SLC25A21: variants seen among roughly 807,000 people sequenced by gnomAD.
The protein encoded by SLC25A21 is mitochondrial 2-oxodicarboxylate carrier.
SLC25A21 carries 47 observed loss-of-function variants against 43.8 expected under a neutral mutation model. That is an observed-to-expected ratio of 1.07 (90% CI 0.85 to 1.37). The LOEUF (loss-of-function observed/expected upper bound fraction) is 1.37. Among genes scored for constraint, SLC25A21 ranks in the 40% most tolerant of loss-of-function variants. The pLI is 0.00. For synonymous variants in SLC25A21, 131 were observed against 121.3 expected (o/e 1.08, Z -0.52); for missense variants, 352 against 350.2 (o/e 1.00, Z -0.04).
At chr14:36,726,735 A>C (rs1884617103) in intron 5 of SLC25A21, among the ~76,000 whole-genome samples, 1 of 152,260 alleles carries the variant, frequency 6.6e-6, no homozygotes, top group Non-Finnish European at 1.5e-5. Context: ...ATAAAGCCCC[A>C]GTCTCCAAAA....
intron 1 of SLC25A21, among the ~76,000 whole-genome samples, chr14:37,128,532 C>CTG (rs1331145111): frequency 9.2e-6 from 1 of 108,386 alleles, no homozygotes. Flanking sequence ...CTCTCTCTCT[C>CTG]TCTCTCTGTG....
intron 2 of SLC25A21, among the ~76,000 whole-genome samples, chr14:36,873,829 A>G (rs905684009): frequency 6.6e-6 from 1 of 152,160 alleles, no homozygotes; most frequent in Non-Finnish European, 1.5e-5. Context: ...TCTCTCTGTC[A>G]TGTAAGTATA....
intron 1 of SLC25A21, among the ~76,000 whole-genome samples, chr14:37,109,416 A>G (rs1161865474): frequency 6.6e-6 from 1 of 152,136 alleles, no homozygotes; most frequent in Non-Finnish European, 1.5e-5. Flanking sequence ...GAAAGGAAAG[A>G]AAACCTTTTT....
chr14:36,773,385 G>A (rs1204625586), intron 3 of SLC25A21, among the ~76,000 whole-genome samples: 1 of 152,156 alleles, frequency 6.6e-6, no homozygotes, highest in Admixed American at 6.5e-5. Context: ...TAACTGATAA[G>A]CCACAACTAG....
At chr14:37,091,643 A>G (rs1962588678) in intron 1 of SLC25A21, among the ~76,000 whole-genome samples, 1 of 152,190 alleles carries the variant, frequency 6.6e-6, no homozygotes, top group Non-Finnish European at 1.5e-5. Context: ...ATTTTCCATC[A>G]CTTTGCACAC....
intron 1 of SLC25A21, among the ~76,000 whole-genome samples, chr14:36,941,648 ATATAAT>A (rs1454699818): frequency 6.6e-6 from 1 of 151,844 alleles, no homozygotes; most frequent in African/African-American, 2.4e-5. Flanking sequence ...ATAAAATTAA[ATATAAT>A]TATACTTTTG....
intron 2 of SLC25A21, among the ~76,000 whole-genome samples, chr14:36,825,038 G>C (rs1405075160): frequency 6.6e-6 from 1 of 152,140 alleles, no homozygotes; most frequent in Non-Finnish European, 1.5e-5. Context: ...GAGAGCAAAA[G>C]ACATCACGTG....
chr14:37,113,915 C>T (rs1279132070), intron 1 of SLC25A21, among the ~76,000 whole-genome samples: 27 of 150,036 alleles, frequency 1.8e-4, no homozygotes, highest in Non-Finnish European at 7.4e-5. Context: ...ATAACTTATT[C>T]TTCCTGTATA....
At chr14:37,132,729 A>T (rs1373086880) in intron 1 of SLC25A21, among the ~76,000 whole-genome samples, 1 of 144,230 alleles carries the variant, frequency 6.9e-6, no homozygotes, top group Non-Finnish European at 1.5e-5. Context: ...CTTCTCTCAT[A>T]GCTATATTTT....
chr14:36,740,353 C>G (rs190051292), intron 3 of SLC25A21, among the ~76,000 whole-genome samples: 5 of 152,044 alleles, frequency 3.3e-5, no homozygotes, highest in Non-Finnish European at 5.9e-5. Flanking sequence ...CAAAGTCACA[C>G]AGCAAATATG....
chr14:36,782,858 C>T (rs1302717410), intron 3 of SLC25A21, among the ~76,000 whole-genome samples: 5 of 149,870 alleles, frequency 3.3e-5, no homozygotes, highest in South Asian at 2.1e-4. Context: ...TGCTAGATGA[C>T]GAGTTAGTGG....
chr14:36,776,490 G>A (rs1221304576), intron 3 of SLC25A21, among the ~76,000 whole-genome samples: 4 of 151,706 alleles, frequency 2.6e-5, no homozygotes, highest in Non-Finnish European at 2.9e-5. Flanking sequence ...CACCCGCCTC[G>A]GCTAGGATTA....
chr14:36,886,762 T>C (rs1405293428), intron 1 of SLC25A21, among the ~76,000 whole-genome samples: 2 of 152,184 alleles, frequency 1.3e-5, no homozygotes, highest in South Asian at 4.1e-4. Context: ...TTTATGTAAG[T>C]CAATTTCAGC....
At chr14:37,076,462 C>T (rs961078106) in intron 1 of SLC25A21, among the ~76,000 whole-genome samples, 3 of 150,414 alleles carry the variant, frequency 2.0e-5, no homozygotes, top group Admixed American at 1.3e-4. Context: ...TGTGAGCCAC[C>T]GCACCCAGCC....
At chr14:36,920,009 A>G (rs1276389580) in intron 1 of SLC25A21, among the ~76,000 whole-genome samples, 2 of 152,068 alleles carry the variant, frequency 1.3e-5, no homozygotes, top group African/African-American at 4.8e-5. Flanking sequence ...TTTGATTGCT[A>G]ATTTTAACTC....
chr14:36,753,529 T>C (rs1885795500), intron 3 of SLC25A21, among the ~76,000 whole-genome samples: 1 of 151,258 alleles, frequency 6.6e-6, no homozygotes. Flanking sequence ...GTAAAGGGCA[T>C]AGAGAAGCCA....
chr14:36,813,157 T>C (rs1419563150), intron 3 of SLC25A21, among the ~76,000 whole-genome samples: 1 of 152,118 alleles, frequency 6.6e-6, no homozygotes, highest in East Asian at 1.9e-4. Flanking sequence ...GGTGGTTTGC[T>C]GCACCCATCA....
intron 2 of SLC25A21, among the ~76,000 whole-genome samples, chr14:36,841,370 T>C (rs1432608133): frequency 6.6e-6 from 1 of 152,224 alleles, no homozygotes; most frequent in East Asian, 1.9e-4. Flanking sequence ...ATCCGTTCTT[T>C]AGAGTTCTTC....
At chr14:36,684,272 T>C (rs1882426664) in intron 8 of SLC25A21, among the ~76,000 whole-genome samples, 1 of 152,202 alleles carries the variant, frequency 6.6e-6, no homozygotes, top group Admixed American at 6.5e-5. Flanking sequence ...AAAATATTAC[T>C]TGTTTACTTG....
Sources: gnomAD v4.1 joint callset for allele counts (sites outside exome capture counted in the v4.1 genomes callset) on GRCh38, gnomAD v4.1.1 for gene constraint, MANE v1.5 for transcripts, NCBI Gene and HGNC (gene_info 2026-07-23, HGNC 2026-07-21) for gene names.